NEDD4L: variants seen among roughly 807,000 people sequenced by gnomAD.
NEDD4L encodes the protein E3 ubiquitin-protein ligase NEDD4-like.
Under a neutral mutation model 148.9 loss-of-function variants are expected in NEDD4L, and 54 were observed. The observed-to-expected ratio is 0.36, with a 90% CI of 0.29 to 0.45. NEDD4L has a LOEUF of 0.45. Among genes scored for constraint, NEDD4L ranks in the 20% least tolerant of loss-of-function variants. The pLI, the probability that NEDD4L is intolerant of heterozygous loss-of-function variation, is 1.00. For missense variants in NEDD4L, 856 were observed against 1,233.8 expected (o/e 0.69, Z 4.59); for synonymous variants, 433 against 440.7 (o/e 0.98, Z 0.22).
At chr18:58,229,085 A>G (rs62094530) in intron 2 of NEDD4L, among the ~76,000 whole-genome samples, 2 of 152,168 alleles carry the variant, frequency 1.3e-5, no homozygotes, top group African/African-American at 2.4e-5. Flanking sequence ...TTTGCTAACC[A>G]TGGAAGAGGG....
chr18:58,052,244 A>G (rs1184716855), intron 1 of NEDD4L, among the ~76,000 whole-genome samples: 1 of 152,198 alleles, frequency 6.6e-6, no homozygotes, highest in East Asian at 1.9e-4. Context: ...TTCCTGATGC[A>G]AGACCGTGGC....
At chr18:58,208,143 T>G (rs2042159119) in intron 2 of NEDD4L, among the ~76,000 whole-genome samples, 1 of 152,194 alleles carries the variant, frequency 6.6e-6, no homozygotes, top group Non-Finnish European at 1.5e-5. Context: ...TAATGGGGGT[T>G]TAATATAATA....
At chr18:58,085,267 C>T (rs780091054) in intron 1 of NEDD4L, among the ~76,000 whole-genome samples, 2 of 151,894 alleles carry the variant, frequency 1.3e-5, no homozygotes, top group Non-Finnish European at 2.9e-5. Flanking sequence ...GGTAAAGATG[C>T]GCGGACCACA....
chr18:58,342,878 A>T (rs754125829), intron 15 of NEDD4L, 28 bp from the exon 16 acceptor site: 1 of 1,526,156 alleles, frequency 6.6e-7, no homozygotes, highest in African/African-American at 1.4e-5. Context: ...CATGCTAAAG[A>T]GTTCTAATCC....
At chr18:58,047,145 G>A (rs551574841) in intron 1 of NEDD4L, 160 of 603,596 alleles carry the variant, frequency 2.7e-4, no homozygotes, top group Non-Finnish European at 3.2e-4. Context: ...CAAACGGCAG[G>A]GTTGTTCTTC....
intron 1 of NEDD4L, among the ~76,000 whole-genome samples, chr18:58,104,635 G>A (rs1192132669): frequency 2.0e-5 from 3 of 152,146 alleles, no homozygotes; most frequent in Non-Finnish European, 4.4e-5. Flanking sequence ...AAATGGCAAC[G>A]TGCTGAATAT....
chr18:58,252,707 A>T (rs1255078845), intron 5 of NEDD4L, among the ~76,000 whole-genome samples: 1 of 152,154 alleles, frequency 6.6e-6, no homozygotes, highest in Admixed American at 6.6e-5. Flanking sequence ...TGAAATAATT[A>T]TGATTTCATT....
At position 58,315,974 on chromosome 18, in the gene NEDD4L, C is replaced by T; in HGVS notation, c.298-8C>T. 2 of 1,611,222 alleles carry T rather than the reference C, an allele frequency of 1.2e-6. No homozygotes were observed. Among genetic ancestry groups the T allele is most frequent in the South Asian group, 1.1e-5 (1 of 91,026 alleles). On this transcript the variant is annotated splice_region_variant and splice_polypyrimidine_tract_variant and intron_variant, in intron 5 of 30. Coordinates refer to ENST00000400345, the MANE Select transcript of NEDD4L (RefSeq NM_001144967.3). ...GGAAACACTAACTCTTTGTTCTCTT[C>T]CTAACAGACACGAGACGACTTCCTG...
At chr18:58,082,821 G>A (rs1164577826) in intron 1 of NEDD4L, among the ~76,000 whole-genome samples, 3 of 148,118 alleles carry the variant, frequency 2.0e-5, no homozygotes, top group Non-Finnish European at 4.5e-5. Flanking sequence ...GATAAATATT[G>A]TACATGATTG....
At chr18:58,122,212 A>C (rs2030055430) in intron 1 of NEDD4L, among the ~76,000 whole-genome samples, 1 of 152,200 alleles carries the variant, frequency 6.6e-6, no homozygotes, top group Non-Finnish European at 1.5e-5. Context: ...TCTAAAACTC[A>C]ATCTAGGCCG....
intron 11 of NEDD4L, among the ~76,000 whole-genome samples, chr18:58,331,757 A>T (rs2059807127): frequency 6.6e-6 from 1 of 152,378 alleles, no homozygotes; most frequent in Middle Eastern, 3.4e-3. Context: ...CTAAAAAAAA[A>T]TAGTCATTAC....
At chr18:58,350,778 C>T (rs189845864) in intron 17 of NEDD4L, among the ~76,000 whole-genome samples, 1 of 152,182 alleles carries the variant, frequency 6.6e-6, no homozygotes, top group Admixed American at 6.5e-5. Flanking sequence ...ATACAGTCAG[C>T]GCATCTGAGA....
At chr18:58,104,812 T>G (rs1365579522) in intron 1 of NEDD4L, among the ~76,000 whole-genome samples, 1 of 152,192 alleles carries the variant, frequency 6.6e-6, no homozygotes, top group Non-Finnish European at 1.5e-5. Flanking sequence ...GGTTTCATAC[T>G]GAGTACTGCC....
chr18:58,100,746 A>G (rs2084698334), intron 1 of NEDD4L, among the ~76,000 whole-genome samples: 1 of 152,198 alleles, frequency 6.6e-6, no homozygotes, highest in South Asian at 2.1e-4. Context: ...ATGGAAATGG[A>G]TATTGGAGTG....
At chr18:58,069,416 A>G (rs2082761374) in intron 1 of NEDD4L, among the ~76,000 whole-genome samples, 1 of 152,214 alleles carries the variant, frequency 6.6e-6, no homozygotes, top group Non-Finnish European at 1.5e-5. Context: ...AATGTGGGAA[A>G]CTGATAACTA....
chr18:58,350,745 T>G (rs2043773442), intron 17 of NEDD4L, among the ~76,000 whole-genome samples: 1 of 152,262 alleles, frequency 6.6e-6, no homozygotes, highest in Non-Finnish European at 1.5e-5. Context: ...GCTTTTGAGC[T>G]AGCAGCCCAT....
chr18:58,188,332 C>T (rs537872385), intron 2 of NEDD4L, among the ~76,000 whole-genome samples: 41 of 152,210 alleles, frequency 2.7e-4, no homozygotes, highest in Admixed American at 7.2e-4. Flanking sequence ...CCAGCATTAG[C>T]GTCACCTGGG....
intron 2 of NEDD4L, among the ~76,000 whole-genome samples, chr18:58,234,122 C>CA (rs1555753582): frequency 2.6e-5 from 3 of 114,228 alleles, no homozygotes; most frequent in African/African-American, 1.0e-4. Context: ...TTTTCTTTTC[C>CA]TTCTTTTTTT....
chr18:58,057,875 A>C (rs2082157596), intron 1 of NEDD4L, among the ~76,000 whole-genome samples: 1 of 152,234 alleles, frequency 6.6e-6, no homozygotes, highest in Non-Finnish European at 1.5e-5. Flanking sequence ...TCTAACAGAC[A>C]ACAGGGGCAG....
Sources: allele counts gnomAD v4.1 joint callset (sites outside exome capture counted in the v4.1 genomes callset), GRCh38; gene constraint gnomAD v4.1.1; transcripts MANE v1.5; gene names NCBI Gene and HGNC (gene_info 2026-07-23, HGNC 2026-07-21).